The following CNTN1 variants were observed in gnomAD, a reference collection of about 807,000 sequenced individuals.
CNTN1 encodes the protein contactin-1.
Under a neutral mutation model 126.4 loss-of-function variants are expected in CNTN1, and 38 were observed. The ratio of observed to expected loss-of-function variants is 0.30; its 90% confidence interval spans 0.23 to 0.39. The LOEUF is 0.39. CNTN1 is among the 10% of genes least tolerant of loss of function. CNTN1 has a pLI of 1.00. For synonymous variants in CNTN1, 413 were observed against 422.6 expected (o/e 0.98, Z 0.28); for missense variants, 1,009 against 1,248.4 (o/e 0.81, Z 2.89).
In CNTN1 at chr12:40,918,619, C is replaced by T; in HGVS notation, c.95-20C>T. ...ACTTATAAAGCAGTACAATGTAAAA[C>T]AATTTCATATTTCTTGTAGTTTCTG... On this transcript the variant is annotated intron_variant, in intron 3 of 23. Coordinates refer to ENST00000551295, the MANE Select transcript of CNTN1 (RefSeq NM_001843.4). 3.1e-6 allele frequency: 5 copies of T among 1,609,538 alleles called. No individual in the cohort carries two copies. The highest frequency in any genetic ancestry group is 4.3e-6 in the Non-Finnish European group (5 of 1,176,466).
At chr12:40,940,484 T>C (rs1210454084) in intron 12 of CNTN1, among the ~76,000 whole-genome samples, 1 of 152,180 alleles carries the variant, frequency 6.6e-6, no homozygotes, top group Non-Finnish European at 1.5e-5. Context: ...TACTCAGATG[T>C]AGAAAATACA....
chr12:41,029,208 T>C lies in CNTN1; in HGVS notation c.2969T>C (p.Val990Ala). The change falls in exon 23 of 24, where the codon GTC (valine) becomes GCC (alanine). Residue 990 changes from valine (V) to alanine (A), a missense_variant. By Grantham distance (64) the Val-to-Ala change is moderately conservative. Transcript: ENST00000551295. ...GGAGGAGATGGAGTGGTGTCTCAAG[T>C]CAAAATTTCAGGTAAGTGAGTCATT... ...SDGGDGVVSQ[V>A]KISGAPTLSP... 1 of 1,613,980 alleles carries C rather than the reference T, an allele frequency of 6.2e-7. No homozygotes were observed. The highest frequency in any genetic ancestry group is 8.5e-7 in the Non-Finnish European group (1 of 1,179,956).
intron 17 of CNTN1, among the ~76,000 whole-genome samples, chr12:40,996,639 C>T (rs1204180671): frequency 6.6e-6 from 1 of 152,022 alleles, no homozygotes; most frequent in Non-Finnish European, 1.5e-5. Context: ...ATGGATTACC[C>T]ATTTAGCAAT....
chr12:40,966,577 G>T (rs184937206), intron 15 of CNTN1, among the ~76,000 whole-genome samples: 1 of 152,110 alleles, frequency 6.6e-6, no homozygotes, highest in African/African-American at 2.4e-5. Flanking sequence ...GAACTTAGTG[G>T]TTATTTAAAC....
chr12:41,039,593 T>A (rs1279921596), intron 23 of CNTN1, among the ~76,000 whole-genome samples: 2 of 152,008 alleles, frequency 1.3e-5, no homozygotes, highest in African/African-American at 4.8e-5. Flanking sequence ...GACATCCCAG[T>A]GGAGAGAGAG....
chr12:40,966,389 T>C (rs1169109102), intron 15 of CNTN1, among the ~76,000 whole-genome samples: 1 of 152,020 alleles, frequency 6.6e-6, no homozygotes, highest in Non-Finnish European at 1.5e-5. Flanking sequence ...ATGCATCCAT[T>C]GATAGCAAAA....
chr12:40,751,345 C>T (rs1938399093), intron 1 of CNTN1, among the ~76,000 whole-genome samples: 2 of 151,982 alleles, frequency 1.3e-5, no homozygotes, highest in African/African-American at 4.8e-5. Flanking sequence ...CTAAGTATCT[C>T]CTGTGTGCCA....
At chr12:41,068,286 A>G (rs1343224210) in intron 23 of CNTN1, among the ~76,000 whole-genome samples, 1 of 152,158 alleles carries the variant, frequency 6.6e-6, no homozygotes, top group East Asian at 1.9e-4. Flanking sequence ...AATCTACATA[A>G]TGAGCCAACA....
In CNTN1 at chr12:40,860,177, T is replaced by G. The variant is rs569627181; in HGVS notation, c.-76-48180T>G. 8.9e-4 allele frequency among the ~76,000 whole-genome samples: 135 copies of G among 152,268 alleles called. No individual in the cohort carries two copies. The Middle Eastern group carries it at 0.01, about 12-fold the overall frequency. ...TCTTTATAAACATATATTGCATACT[T>G]TATTAGCTAGTCAGTTTGCCAGGAT... On this transcript the variant is annotated intron_variant, in intron 1 of 23. Transcript: ENST00000551295.
At chr12:41,014,682 G>C (rs1288156822) in intron 18 of CNTN1, among the ~76,000 whole-genome samples, 1 of 152,146 alleles carries the variant, frequency 6.6e-6, no homozygotes, top group Non-Finnish European at 1.5e-5. Context: ...TTAAATTGGA[G>C]ACTGCCTCCT....
chr12:41,013,672 G>C (rs1264606383), intron 17 of CNTN1, among the ~76,000 whole-genome samples: 3 of 152,106 alleles, frequency 2.0e-5, no homozygotes, highest in Non-Finnish European at 4.4e-5. Context: ...TTTCTAGCAG[G>C]GAAACTGATA....
At chr12:40,730,456 C>T (rs1942465885) in intron 1 of CNTN1, among the ~76,000 whole-genome samples, 1 of 152,188 alleles carries the variant, frequency 6.6e-6, no homozygotes, top group Non-Finnish European at 1.5e-5. Flanking sequence ...GTTTAGTAAA[C>T]CTGATGGTGA....
At chr12:40,942,630 A>T (rs936148284) in intron 12 of CNTN1, among the ~76,000 whole-genome samples, 11 of 152,004 alleles carry the variant, frequency 7.2e-5, no homozygotes, top group African/African-American at 2.4e-4. Context: ...AATAAATTAC[A>T]CTCCTCAGAG....
chr12:40,909,994 T>A (rs898881972), intron 2 of CNTN1, 79 bp from the exon 3 acceptor site: 1 of 1,047,330 alleles, frequency 9.5e-7, no homozygotes, highest in Admixed American at 1.7e-5. Flanking sequence ...GTCTAGCATC[T>A]CAGCTATTTA....
intron 1 of CNTN1, among the ~76,000 whole-genome samples, chr12:40,836,196 T>C (rs1183270206): frequency 6.7e-6 from 1 of 148,210 alleles, no homozygotes; most frequent in Non-Finnish European, 1.5e-5. Context: ...AGTATATATG[T>C]ATAAATAATA....
chr12:40,945,466 T>C (rs1427331283), intron 14 of CNTN1, among the ~76,000 whole-genome samples: 8 of 152,040 alleles, frequency 5.3e-5, no homozygotes, highest in Non-Finnish European at 1.0e-4. Flanking sequence ...GTGTTATAAA[T>C]TGAATAATTT....
At chr12:41,032,577 C>T (rs1949170955) in intron 23 of CNTN1, among the ~76,000 whole-genome samples, 2 of 152,246 alleles carry the variant, frequency 1.3e-5, no homozygotes, top group East Asian at 1.9e-4. Flanking sequence ...GTTCTCCCTT[C>T]TGCCTGGAAT....
At chr12:40,969,098 A>G (rs935450898) in intron 15 of CNTN1, among the ~76,000 whole-genome samples, 3 of 152,160 alleles carry the variant, frequency 2.0e-5, no homozygotes, top group African/African-American at 7.2e-5. Context: ...ATAACCAAGA[A>G]AAAACTTAAC....
intron 1 of CNTN1, among the ~76,000 whole-genome samples, chr12:40,857,629 C>T (rs1942959366): frequency 6.6e-6 from 1 of 152,088 alleles, no homozygotes; most frequent in African/African-American, 2.4e-5. Context: ...CAAGTCAGAA[C>T]CTTGATGCCT....
Sources: allele counts gnomAD v4.1 joint callset (sites outside exome capture counted in the v4.1 genomes callset), GRCh38; gene constraint gnomAD v4.1.1; transcripts MANE v1.5; gene names NCBI Gene and HGNC (gene_info 2026-07-23, HGNC 2026-07-21).